The following CAMTA1 variants were observed in gnomAD, a reference collection of about 807,000 sequenced individuals.
The protein encoded by CAMTA1 is calmodulin-binding transcription activator 1.
CAMTA1 carries 27 observed loss-of-function variants against 170.9 expected under a neutral mutation model. The ratio of observed to expected loss-of-function variants is 0.16; its 90% CI spans 0.12 to 0.22. The LOEUF (loss-of-function observed/expected upper bound fraction) is 0.22. Ranked by LOEUF, CAMTA1 falls within the 10% of genes least tolerant of loss-of-function variation. The probability of loss-of-function intolerance (pLI) is 1.00; values close to 1 mark genes in which losing one functional copy is unlikely to be tolerated. For missense variants in CAMTA1, 1,619 were observed against 2,217.2 expected, an observed-to-expected ratio of 0.73 and a Z score of 5.42; for synonymous variants, 833 against 891.5, an observed-to-expected ratio of 0.93 and a Z score of 1.17.
At chr1:7,316,970 A>G (rs1053163904) in intron 5 of CAMTA1, among the ~76,000 whole-genome samples, 2 of 152,224 alleles carry the variant, frequency 1.3e-5, no homozygotes, top group East Asian at 3.8e-4. Context: ...GTGGGGCCTC[A>G]ACTTCGAAGC....
intron 5 of CAMTA1, among the ~76,000 whole-genome samples, chr1:7,301,983 T>A (rs1198574276): frequency 6.6e-6 from 1 of 152,138 alleles, no homozygotes; most frequent in Non-Finnish European, 1.5e-5. Context: ...GGGGGTAAAC[T>A]TCCAGGACTC....
intron 5 of CAMTA1, among the ~76,000 whole-genome samples, chr1:7,429,965 T>C (rs2149355865): frequency 6.6e-6 from 1 of 152,174 alleles, no homozygotes; most frequent in South Asian, 2.1e-4. Flanking sequence ...CCAAGGGGAA[T>C]GGTGTTAATC....
At chr1:7,684,172 C>T (rs1285717873) in intron 11 of CAMTA1, among the ~76,000 whole-genome samples, 2 of 152,232 alleles carry the variant, frequency 1.3e-5, no homozygotes, top group Non-Finnish European at 2.9e-5. Context: ...GGCCGAGGGG[C>T]AGCCTTTGCC....
chr1:7,502,430 G>A (rs927353311), intron 6 of CAMTA1, among the ~76,000 whole-genome samples: 9 of 152,314 alleles, frequency 5.9e-5, no homozygotes, highest in East Asian at 3.9e-4. Flanking sequence ...GATGGGCTCC[G>A]GCAGCTCAGC....
chr1:7,028,620 C>A (rs373310019), intron 3 of CAMTA1, among the ~76,000 whole-genome samples: 7 of 152,218 alleles, frequency 4.6e-5, no homozygotes, highest in African/African-American at 1.7e-4. Context: ...TGCCATGCCC[C>A]ACTCTGGCCT....
rs559789532 is a variant in CAMTA1 at position 7,262,519 on chromosome 1, G to A, written c.438+12893G>A. On this transcript the variant is annotated intron_variant, in intron 5 of 22. Transcript: ENST00000303635. ...AGAGGTTGCAGTGAGCCGAGATCAC[G>A]CTGTTGCACTGAAGCCTGGGGGACA... Among the ~76,000 whole-genome samples, 7 of 152,164 alleles carry A rather than the reference G, an allele frequency of 4.6e-5. No homozygotes were observed. The East Asian group carries it at 1.4e-3, about 29-fold the overall frequency.
intron 5 of CAMTA1, among the ~76,000 whole-genome samples, chr1:7,428,178 G>A (rs556687408): frequency 6.6e-6 from 1 of 152,256 alleles, no homozygotes; most frequent in Admixed American, 6.5e-5. Context: ...GGAGAGCTAT[G>A]GAGACGTTGG....
chr1:7,192,141 C>T (rs1341782478), intron 4 of CAMTA1, among the ~76,000 whole-genome samples: 1 of 152,220 alleles, frequency 6.6e-6, no homozygotes, highest in Non-Finnish European at 1.5e-5. Context: ...TTCTTGGCTA[C>T]AATGCTCCTG....
intron 4 of CAMTA1, among the ~76,000 whole-genome samples, chr1:7,242,771 A>T (rs867766344): frequency 2.7e-5 from 4 of 145,558 alleles, no homozygotes; most frequent in African/African-American, 7.7e-5. Context: ...TACTGAAAAT[A>T]AAATAAATAA....
At chr1:6,790,133 G>A (rs1640642957) in intron 1 of CAMTA1, among the ~76,000 whole-genome samples, 1 of 151,980 alleles carries the variant, frequency 6.6e-6, no homozygotes, top group East Asian at 1.9e-4. Flanking sequence ...CTGGCCTTCG[G>A]TGTGGTGCTT....
At chr1:7,403,979 C>T (rs2090108957) in intron 5 of CAMTA1, among the ~76,000 whole-genome samples, 1 of 152,186 alleles carries the variant, frequency 6.6e-6, no homozygotes, top group African/African-American at 2.4e-5. Context: ...TAGAGTGCTC[C>T]TGGAGAGCAG....
chr1:7,358,892 T>C (rs1009580518), intron 5 of CAMTA1, among the ~76,000 whole-genome samples: 1 of 152,014 alleles, frequency 6.6e-6, no homozygotes, highest in African/African-American at 2.4e-5. Flanking sequence ...AAGGAGTGGA[T>C]CTCTGATGGG....
chr1:7,065,220 T>C lies in CAMTA1; in HGVS notation c.235-26084T>C, dbSNP rs1484901936. On this transcript the variant is annotated intron_variant, in intron 3 of 22. Transcript: ENST00000303635. This position sits in a 1 kb window ranked among gnomAD's most constrained non-coding sequence, Gnocchi z 5.2. Reference sequence around the variant, plus strand: ...CAACATCTGGCAGGGCTCAGGCACTTAGAGGGCAGGGGAAGGAGGAGGAGA... The same window carrying C: ...CAACATCTGGCAGGGCTCAGGCACTCAGAGGGCAGGGGAAGGAGGAGGAGA... Among the ~76,000 whole-genome samples, 13 of 151,760 alleles carry C rather than the reference T, an allele frequency of 8.6e-5. No homozygotes were observed. The highest frequency in any genetic ancestry group is 8.5e-4 in the Admixed American group (13 of 15,242).
chr1:7,088,983 G>A (rs745937373), intron 3 of CAMTA1, among the ~76,000 whole-genome samples: 5 of 152,224 alleles, frequency 3.3e-5, no homozygotes, highest in African/African-American at 9.6e-5. Context: ...GTCTGCAGGC[G>A]TGGGCACGTG....
chr1:7,731,508 G>T (rs1304852828), intron 11 of CAMTA1, among the ~76,000 whole-genome samples: 1 of 150,910 alleles, frequency 6.6e-6, no homozygotes, highest in Non-Finnish European at 1.5e-5. Context: ...GGAGGCAGAG[G>T]TTACAGTGAG....
Position 7,482,396 on chromosome 1 carries a change from C to T in CAMTA1, c.510+14495C>T, listed in dbSNP as rs368374438. 1.3e-5 allele frequency among the ~76,000 whole-genome samples: 2 copies of T among 152,206 alleles called. No individual in the cohort carries two copies. The highest frequency in any genetic ancestry group is 1.9e-4 in the East Asian group (1 of 5,190). Reference sequence around the variant, plus strand: ...CTGGGGTTTCTCCTAGGCTCTCCCACAGCTGCCCCTAGGTCCAGCTGTGCC... The same window carrying T: ...CTGGGGTTTCTCCTAGGCTCTCCCATAGCTGCCCCTAGGTCCAGCTGTGCC... On this transcript the variant is annotated intron_variant, in intron 6 of 22. Coordinates refer to ENST00000303635, the MANE Select transcript of CAMTA1 (RefSeq NM_015215.4). This position sits in a 1 kb window ranked among gnomAD's most constrained non-coding sequence, Gnocchi z 4.2.
chr1:7,468,868 C>T (rs2093273272), intron 6 of CAMTA1, among the ~76,000 whole-genome samples: 1 of 152,152 alleles, frequency 6.6e-6, no homozygotes, highest in African/African-American at 2.4e-5. Context: ...GAAGCAAGTC[C>T]CCCAGTGCTA....
intron 4 of CAMTA1, among the ~76,000 whole-genome samples, chr1:7,105,566 T>A (rs1054179541): frequency 6.6e-6 from 1 of 152,194 alleles, no homozygotes; most frequent in African/African-American, 2.4e-5. Context: ...TTCTCAGGAA[T>A]TGGAACACAG....
intron 6 of CAMTA1, among the ~76,000 whole-genome samples, chr1:7,553,732 C>T (rs2094839302): frequency 1.3e-5 from 2 of 152,172 alleles, no homozygotes; most frequent in African/African-American, 4.8e-5. Context: ...AACCCTGGGT[C>T]CTGTAGCTCT....
Sources: gnomAD v4.1 joint callset for allele counts (sites outside exome capture counted in the v4.1 genomes callset) on GRCh38, gnomAD v4.1.1 for gene constraint, Gnocchi (gnomAD v3.1) non-coding constraint, MANE v1.5 for transcripts, NCBI Gene and HGNC (gene_info 2026-07-23, HGNC 2026-07-21) for gene names.